Variants in ARHGAP1 observed in about 807,000 individuals in gnomAD.
ARHGAP1 encodes rho GTPase-activating protein 1.
ARHGAP1 carries 23 observed loss-of-function variants against 52.2 expected under a neutral mutation model. That is an observed-to-expected ratio of 0.44 (90% CI 0.32 to 0.62). The LOEUF is 0.62. Ranked by LOEUF, ARHGAP1 falls within the 20% of genes least tolerant of loss-of-function variation. The pLI, the probability that ARHGAP1 is intolerant of heterozygous loss-of-function variation, is 0.05. For synonymous variants in ARHGAP1, 210 were observed against 228.4 expected, an observed-to-expected ratio of 0.92 and a Z score of 0.73; for missense variants, 480 against 560.9, an observed-to-expected ratio of 0.86 and a Z score of 1.46.
intron 4 of ARHGAP1, among the ~76,000 whole-genome samples, chr11:46,685,406 C>A (rs924486114): frequency 7.9e-5 from 12 of 151,036 alleles, no homozygotes; most frequent in African/African-American, 2.7e-4. Context: ...TGGCACACTG[C>A]AACCTCCGCC....
In ARHGAP1 at chr11:46,679,039, A is replaced by C; in HGVS notation, c.1318T>G (p.Ter440GlyextTer12). 6.2e-7 allele frequency: 1 copy of C among 1,614,080 alleles called. No homozygotes were observed. The highest frequency in any genetic ancestry group is 1.1e-5 in the South Asian group (1 of 91,088). Residue 440 changes from the stop codon to glycine (G), a stop_lost, in exon 13 of 13, where the codon TGA becomes GGA. Coordinates refer to ENST00000311956, the MANE Select transcript of ARHGAP1 (RefSeq NM_004308.5). The surrounding 1 kb of genome is among the most constrained non-coding windows in gnomAD (Gnocchi z 4.4). ...GGCTGGTGGGGCAGGGGCCAGGTTC[A>C]GAGCCCGCTGGGGTCCGGGCTTGGG... ...LFPSPDPSGL* is the reference protein window; with the variant it reads ...LFPSPDPSGLG
At chr11:46,691,627 T>C (rs896611091) in intron 3 of ARHGAP1, among the ~76,000 whole-genome samples, 1 of 152,112 alleles carries the variant, frequency 6.6e-6, no homozygotes, top group Non-Finnish European at 1.5e-5. Flanking sequence ...AATTTTTGTA[T>C]TTTTAGTAGA....
intron 1 of ARHGAP1, among the ~76,000 whole-genome samples, chr11:46,699,711 A>AG (rs2064685867): frequency 6.8e-6 from 1 of 146,072 alleles, no homozygotes; most frequent in African/African-American, 2.6e-5. Context: ...TAAAAAAAAA[A>AG]AAAGAAAAGA....
Position 46,679,792 on chromosome 11 carries a change from CGT to C in ARHGAP1, c.899-18_899-17del, listed in dbSNP as rs765969331. On this transcript the variant is annotated splice_polypyrimidine_tract_variant and intron_variant, in intron 10 of 12. Transcript: ENST00000311956. The surrounding 1 kb of genome is among the most constrained non-coding windows in gnomAD (Gnocchi z 4.4). ...ACAGGCAGCCCTGGGGTGGGGGCAG[CGT>C]GAGAGAAGCTCGGCACAGCCTGAAG... 1.9e-6 allele frequency: 3 copies of C among 1,612,620 alleles called. No homozygotes were observed. Among genetic ancestry groups the C allele is most frequent in the Non-Finnish European group, 2.5e-6 (3 of 1,179,764 alleles).
chr11:46,684,953 T>C (rs1297348310), intron 4 of ARHGAP1, among the ~76,000 whole-genome samples: 1 of 151,952 alleles, frequency 6.6e-6, no homozygotes, highest in East Asian at 1.9e-4. Flanking sequence ...CTGAGTGTGG[T>C]GGTGCACGCC....
chr11:46,682,161 G>A lies in ARHGAP1; in HGVS notation c.339C>T (p.Asp113=). 1 of 1,614,128 alleles carries A rather than the reference G, an allele frequency of 6.2e-7. No individual in the cohort carries two copies. The part of the protein sequence containing the change: ...KLLGYLKHTL[D]QYVESDYTLL... The stretch of plus-strand genomic sequence containing the variant: ...GTGTGTAGTCACTCTCCACGTACTG[G>A]TCCAGGGTGTGCTTCAGGTACCTTC... The change falls in exon 5 of 13, where the codon GAC becomes GAT. Residue 113 remains aspartate (D), a synonymous_variant. Coordinates refer to ENST00000311956, the MANE Select transcript of ARHGAP1 (RefSeq NM_004308.5).
chr11:46,688,542 C>T (rs1029355633), intron 3 of ARHGAP1, among the ~76,000 whole-genome samples: 1 of 151,990 alleles, frequency 6.6e-6, no homozygotes, highest in Non-Finnish European at 1.5e-5. Flanking sequence ...AATGTAGTGG[C>T]GCAATCACGG....
intron 2 of ARHGAP1, 104 bp downstream of exon 2, chr11:46,695,871 G>A: frequency 6.2e-7 from 1 of 1,600,470 alleles, no homozygotes; most frequent in East Asian, 2.2e-5. Flanking sequence ...CCCAAACCTG[G>A]GACTGGTCTG....
At chr11:46,698,686 G>A (rs1474239655) in intron 1 of ARHGAP1, among the ~76,000 whole-genome samples, 1 of 151,540 alleles carries the variant, frequency 6.6e-6, no homozygotes, top group South Asian at 2.1e-4. Context: ...AAAGGGAGCT[G>A]AACTTGAACT....
intron 4 of ARHGAP1, among the ~76,000 whole-genome samples, chr11:46,685,386 G>A (rs1429583972): frequency 1.3e-5 from 2 of 149,626 alleles, no homozygotes; most frequent in African/African-American, 4.9e-5. Context: ...GGAGTGCAAT[G>A]GCATGATCTT....
rs770948699 is a variant in ARHGAP1 at position 46,688,267 on chromosome 11, G to A, written c.230-7C>T. ...CGCCCATACTTGTCATCTCCTAGGT[G>A]TGGAGAAAGATGGAGCACAGTGGGT... is the stretch of plus-strand genomic sequence containing the variant. On this transcript the variant is annotated splice_region_variant and splice_polypyrimidine_tract_variant and intron_variant, in intron 3 of 12. Transcript: ENST00000311956. The A allele has an allele frequency of 1.2e-6, 2 of 1,612,462 alleles. No individual in the cohort carries two copies. Among genetic ancestry groups the A allele is most frequent in the Non-Finnish European group, 1.7e-6 (2 of 1,179,020 alleles).
chr11:46,680,685 G>T lies in ARHGAP1; in HGVS notation c.698C>A (p.Pro233Gln). The T allele has an allele frequency of 1.2e-6, 2 of 1,603,512 alleles. No individual in the cohort carries two copies. The highest frequency in any genetic ancestry group is 1.7e-6 in the Non-Finnish European group (2 of 1,174,136). Residue 233 changes from proline (P) to glutamine (Q), a missense_variant, in exon 8 of 13, where the codon CCA (proline) becomes CAA (glutamine). Coordinates refer to ENST00000311956, the MANE Select transcript of ARHGAP1 (RefSeq NM_004308.5). The surrounding 1 kb of genome is among the most constrained non-coding windows in gnomAD (Gnocchi z 5.9). Reference protein sequence around the residue: ...SPATAPKPMPPRPPLPNQQFG... With the variant: ...SPATAPKPMPQRPPLPNQQFG... ...CTGCTGGTTGGGCAGGGGGGGCCGT[G>T]GGGGCATGGGCTTGGGGGCTGTCGC...
intron 4 of ARHGAP1, among the ~76,000 whole-genome samples, chr11:46,683,345 G>A (rs954707820): frequency 5.3e-5 from 8 of 151,970 alleles, no homozygotes; most frequent in South Asian, 2.1e-4. Context: ...GCACCTGGCC[G>A]AAAGCCTGCA....
intron 4 of ARHGAP1, chr11:46,687,157 G>A (rs573317643): frequency 6.6e-4 from 100 of 152,464 alleles, no homozygotes; most frequent in African/African-American, 2.3e-3. Context: ...GCCTCCACCA[G>A]CCCCAGGCCA....
intron 4 of ARHGAP1, among the ~76,000 whole-genome samples, chr11:46,684,392 A>T (rs567786471): frequency 6.6e-6 from 1 of 152,352 alleles, no homozygotes; most frequent in African/African-American, 2.4e-5. Context: ...ACCCTGTAAA[A>T]ATATGTCTAG....
rs971823015 is a variant in ARHGAP1, at chr11:46,678,217, AAGG to A, written c.*817_*819del. Reference sequence around the variant, plus strand: ...AGGCTGATGATCTGCCCGTGTGGGAAAGGAGGCCAAGAGGGGAGAGGCTAACCT... The same window carrying A: ...AGGCTGATGATCTGCCCGTGTGGGAAAGGCCAAGAGGGGAGAGGCTAACCT... On this transcript the variant is annotated 3_prime_UTR_variant, in exon 13 of 13. Coordinates refer to ENST00000311956, the MANE Select transcript of ARHGAP1 (RefSeq NM_004308.5). 8.3e-5 allele frequency: 15 copies of A among 181,020 alleles called. No homozygotes were observed. The highest frequency in any genetic ancestry group is 1.7e-4 in the Non-Finnish European group (14 of 83,874). 11.2% of individuals were successfully genotyped at this position (181,020 alleles called of 1,614,324 possible). A position where few individuals can be genotyped will look rare whatever the true frequency, so the allele number is the denominator to read the frequency against.
At position 46,680,588 on chromosome 11, in the gene ARHGAP1, G is replaced by C; in HGVS notation, c.744-25C>G. The stretch of plus-strand genomic sequence containing the variant: ...GCTGCGGGAAAAAGGCTGGTGAGCC[G>C]GGCCTGCAGCCCTTCCCGCCCCGCC... On this transcript the variant is annotated intron_variant, in intron 8 of 12. Coordinates refer to ENST00000311956, the MANE Select transcript of ARHGAP1 (RefSeq NM_004308.5). This position sits in a 1 kb window ranked among gnomAD's most constrained non-coding sequence, Gnocchi z 5.9. 6.2e-7 allele frequency: 1 copy of C among 1,613,704 alleles called. No homozygotes were observed. Among genetic ancestry groups the C allele is most frequent in the Non-Finnish European group, 8.5e-7 (1 of 1,179,740 alleles).
intron 4 of ARHGAP1, 77 bp downstream of exon 4, chr11:46,688,096 G>T: frequency 7.0e-7 from 1 of 1,423,336 alleles, no homozygotes; most frequent in Non-Finnish European, 9.7e-7. Context: ...AGGCAGGGAG[G>T]GACAGTAAAG....
At chr11:46,682,517 C>T (rs1035927294) in intron 4 of ARHGAP1, among the ~76,000 whole-genome samples, 2 of 152,216 alleles carry the variant, frequency 1.3e-5, no homozygotes, top group Non-Finnish European at 2.9e-5. Context: ...AACCCCATCT[C>T]TACTAAAAAT....
Sources: allele counts gnomAD v4.1 joint callset (sites outside exome capture counted in the v4.1 genomes callset), GRCh38; gene constraint gnomAD v4.1.1; non-coding constraint Gnocchi (gnomAD v3.1); transcripts MANE v1.5; gene names NCBI Gene and HGNC (gene_info 2026-07-23, HGNC 2026-07-21).